Variants in FAM120C observed in about 807,000 individuals in gnomAD.
The protein encoded by FAM120C is family with sequence similarity 120 member C.
FAM120C carries 14 observed loss-of-function variants against 71.2 expected under a neutral mutation model. The observed-to-expected ratio is 0.20, with a 90% CI of 0.13 to 0.31. The LOEUF (loss-of-function observed/expected upper bound fraction) is 0.31. FAM120C is among the 10% of genes least tolerant of loss of function. The pLI is 1.00. For synonymous variants in FAM120C, 354 were observed against 353.2 expected, an observed-to-expected ratio of 1.00 and a Z score of -0.03; for missense variants, 500 against 879.0, an observed-to-expected ratio of 0.57 and a Z score of 5.45.
intron 3 of FAM120C, among the ~76,000 whole-genome samples, chrX:54,154,038 T>G (rs1309788311): frequency 4.2e-5 from 4 of 94,702 alleles, no homozygotes; most frequent in Non-Finnish European, 8.6e-5. Context: ...ATCTCAGTGG[T>G]TTTTTTTTTT....
chrX:54,129,077 C>G (rs1435997207), intron 9 of FAM120C, among the ~76,000 whole-genome samples: 1 of 103,595 alleles, frequency 9.7e-6, no homozygotes, highest in Non-Finnish European at 2.0e-5. Context: ...ACCTCCCGGA[C>G]GGGGCGGCCG....
At chrX:54,136,647 A>G in intron 4 of FAM120C, 57 bp from the exon 5 acceptor site, 1 of 798,833 alleles carries the variant, frequency 1.3e-6, no homozygotes, top group Admixed American at 2.5e-5. Flanking sequence ...TTTTTTTAAT[A>G]CAGTTCATAA....
intron 2 of FAM120C, among the ~76,000 whole-genome samples, chrX:54,158,658 A>C (rs1268286249): frequency 9.0e-6 from 1 of 111,372 alleles, no homozygotes; most frequent in East Asian, 2.8e-4. Flanking sequence ...AGTCCCAGCT[A>C]TTCAGGAAGC....
chrX:54,134,685 C>T (rs1483033783), intron 7 of FAM120C, 146 bp downstream of exon 7: 5 of 564,578 alleles, frequency 8.9e-6, no homozygotes, highest in South Asian at 4.5e-5. Flanking sequence ...GCATAGAAAA[C>T]GTTTTCCTAC....
intron 13 of FAM120C, among the ~76,000 whole-genome samples, chrX:54,084,836 C>A (rs985979098): frequency 9.0e-6 from 1 of 111,502 alleles, no homozygotes; most frequent in Admixed American, 9.6e-5. Context: ...CAAGTGCCAC[C>A]GTAATTTATA....
intron 10 of FAM120C, among the ~76,000 whole-genome samples, chrX:54,098,617 T>TTTTTA (rs782318843): frequency 4.3e-4 from 48 of 111,401 alleles, no homozygotes; most frequent in East Asian, 1.7e-3. Context: ...TATATGTTCT[T>TTTTTA]TTTTATTTTA....
intron 10 of FAM120C, among the ~76,000 whole-genome samples, chrX:54,096,072 AT>A (rs1368511970): frequency 8.9e-5 from 10 of 112,089 alleles, no homozygotes; most frequent in African/African-American, 2.6e-4. Flanking sequence ...AAATAAAAAA[AT>A]ATGGTGTGAG....
chrX:54,105,939 G>A (rs2066904597), intron 10 of FAM120C, among the ~76,000 whole-genome samples: 1 of 111,890 alleles, frequency 8.9e-6, no homozygotes, highest in South Asian at 3.7e-4. Flanking sequence ...ACATTTCATG[G>A]TCATGGATAG....
In FAM120C at chrX:54,069,517, G is replaced by C. The variant is rs2066701136; in HGVS notation, c.*3516C>G. On this transcript the variant is annotated 3_prime_UTR_variant, in exon 16 of 16. Coordinates refer to ENST00000375180, the MANE Select transcript of FAM120C (RefSeq NM_017848.6). ...ACAGGAGCCTTGTAAGGTTCCAAAG[G>C]ACTGGATCACCATAACCAAACAGCT... 9.1e-6 allele frequency: 1 copy of C among 110,471 alleles called. No homozygotes were observed. Among genetic ancestry groups the C allele is most frequent in the Non-Finnish European group, 1.9e-5 (1 of 52,866 alleles). 9.1% of individuals were successfully genotyped at this position (110,471 alleles called of 1,213,427 possible).
intron 12 of FAM120C, among the ~76,000 whole-genome samples, 180 bp from the exon 13 acceptor site, chrX:54,086,096 C>A (rs1050185968): frequency 3.6e-5 from 4 of 111,379 alleles, no homozygotes; most frequent in Non-Finnish European, 7.5e-5. Flanking sequence ...CACCAAAGCC[C>A]CGACTCTTTA....
In FAM120C at chrX:54,133,962, A is replaced by T. The variant is rs782506290; in HGVS notation, c.1701T>A (p.Thr567=). The change falls in exon 8 of 16, where the codon ACT becomes ACA. Residue 567 remains threonine, a synonymous_variant. Transcript: ENST00000375180. ...DRGSWAQPVD[T]GVSEASLGDG... ...CACCTAGGCTCGCTTCTGAAACTCC[A>T]GTATCAACAGGCTGTGCCCAGGACC... 1.9e-4 allele frequency: 226 copies of T among 1,210,012 alleles called. 2 individuals carry two copies. In the South Asian group the frequency reaches 3.6e-3, roughly 19 times the overall value.
chrX:54,115,770 C>T, intron 10 of FAM120C, among the ~76,000 whole-genome samples: 2 of 111,461 alleles, frequency 1.8e-5, no homozygotes, highest in East Asian at 2.8e-4. Flanking sequence ...ATGGACAGAC[C>T]TCAAAAATAA....
At chrX:54,135,419 T>A in intron 6 of FAM120C, 109 bp downstream of exon 6, 1 of 692,579 alleles carries the variant, frequency 1.4e-6, no homozygotes, top group Non-Finnish European at 2.2e-6. Flanking sequence ...ATATAGTATA[T>A]ATAGCCCTGA....
intron 10 of FAM120C, among the ~76,000 whole-genome samples, chrX:54,115,501 T>C (rs1229398791): frequency 1.8e-5 from 2 of 112,048 alleles, no homozygotes; most frequent in African/African-American, 6.5e-5. Context: ...GGAATATAAA[T>C]TGGTGCAGCT....
chrX:54,183,249 C>A lies in FAM120C; in HGVS notation c.-51G>T. The A allele has an allele frequency of 1.1e-6, 1 of 873,626 alleles. No homozygotes were observed. Among genetic ancestry groups the A allele is most frequent in the Non-Finnish European group, 1.4e-6 (1 of 695,061 alleles). 72.0% of individuals were successfully genotyped at this position (873,626 alleles called of 1,213,427 possible). The stretch of plus-strand genomic sequence containing the variant: ...GCGGCTGCGCAAGCAGGATAGGCGA[C>A]GATCTGGGCGCGAAGCTGGGGGCGG... On this transcript the variant is annotated 5_prime_UTR_variant, in exon 1 of 16. Transcript: ENST00000375180.
chrX:54,073,159 T>A lies in FAM120C; in HGVS notation c.3165A>T (p.Gln1055His). 8.3e-7 allele frequency: 1 copy of A among 1,211,362 alleles called. No individual in the cohort carries two copies. Among genetic ancestry groups the A allele is most frequent in the Non-Finnish European group, 1.1e-6 (1 of 895,449 alleles). ...CATTGCTGTCTCTGGATAAGGCACA[T>A]TGTGATGGAGCTGGAAGACGATGAT... The part of the protein sequence containing the change: ...KSDHRLPAPS[Q>H]CALSRDSNEC... Residue 1055 changes from glutamine to histidine, a missense_variant, in exon 16 of 16, where the codon CAA becomes CAT. Gln to His is a conservative substitution (Grantham distance 24, BLOSUM62 0). Coordinates refer to ENST00000375180, the MANE Select transcript of FAM120C (RefSeq NM_017848.6).
intron 9 of FAM120C, 150 bp from the exon 10 acceptor site, chrX:54,116,944 G>A (rs184073605): frequency 2.5e-5 from 16 of 632,908 alleles, no homozygotes; most frequent in East Asian, 1.4e-4. Context: ...AATAGTACAC[G>A]TTTATTAAGT....
intron 10 of FAM120C, among the ~76,000 whole-genome samples, chrX:54,097,448 A>T: frequency 8.9e-6 from 1 of 112,004 alleles, no homozygotes; most frequent in Non-Finnish European, 1.9e-5. Context: ...AAAATAAAAA[A>T]AGAGAGGAAA....
chrX:54,095,385 G>T (rs1450400147), intron 10 of FAM120C, among the ~76,000 whole-genome samples: 2 of 91,713 alleles, frequency 2.2e-5, no homozygotes, highest in Non-Finnish European at 4.2e-5. Flanking sequence ...TTGGAGACAG[G>T]CTCAGGGCAG....
Sources: allele counts gnomAD v4.1 joint callset (sites outside exome capture counted in the v4.1 genomes callset), GRCh38; gene constraint gnomAD v4.1.1; transcripts MANE v1.5; gene names NCBI Gene and HGNC (gene_info 2026-07-23, HGNC 2026-07-21).